Variants in TENM2 observed in about 807,000 individuals in gnomAD.
TENM2 encodes the protein teneurin-2.
Under a neutral mutation model 245.2 loss-of-function variants are expected in TENM2, and 52 were observed. The observed-to-expected ratio is 0.21, with a 90% CI of 0.17 to 0.27. TENM2 has a LOEUF of 0.27. Among genes scored for constraint, TENM2 ranks in the 10% least tolerant of loss-of-function variants. The pLI is 1.00. For synonymous variants in TENM2, 1,363 were observed against 1,438.9 expected, an observed-to-expected ratio of 0.95 and a Z score of 1.19; for missense variants, 3,046 against 3,666.8, an observed-to-expected ratio of 0.83 and a Z score of 4.37.
chr5:167,024,425 G>A, the TENM2 span, among the ~76,000 whole-genome samples: 4 of 152,142 alleles, frequency 2.6e-5, no homozygotes, highest in Non-Finnish European at 5.9e-5. Flanking sequence ...AGTTTGCATC[G>A]CAGTAAGAAA....
the TENM2 span, among the ~76,000 whole-genome samples, chr5:167,028,677 C>T: frequency 1.3e-5 from 2 of 151,716 alleles, no homozygotes; most frequent in African/African-American, 2.4e-5. Flanking sequence ...ATCAAATAGC[C>T]ATATTTATGT....
chr5:167,619,863 T>C (rs936488242), intron 2 of TENM2, among the ~76,000 whole-genome samples: 2 of 152,036 alleles, frequency 1.3e-5, no homozygotes, highest in Non-Finnish European at 2.9e-5. Context: ...CCTCCCCCTT[T>C]TAAAAAAATT....
At chr5:167,906,243 C>T (rs973903776) in intron 3 of TENM2, among the ~76,000 whole-genome samples, 3 of 152,180 alleles carry the variant, frequency 2.0e-5, no homozygotes, top group Non-Finnish European at 2.9e-5. Context: ...TCAGATTTAA[C>T]ACTTAAGCTG....
exon 1 of TENM2, chr5:167,284,910 T>C: frequency 6.4e-7 from 1 of 1,551,690 alleles, no homozygotes; most frequent in Non-Finnish European, 8.7e-7. Context: ...CTACACAAGC[T>C]CCTCTCTGGA....
intron 2 of TENM2, among the ~76,000 whole-genome samples, chr5:167,517,492 C>T (rs1770459068): frequency 6.6e-6 from 1 of 152,052 alleles, no homozygotes. Context: ...AATGAAGAAA[C>T]GTCTCCTAGT....
At chr5:167,955,385 A>G (rs1780468882) in intron 4 of TENM2, among the ~76,000 whole-genome samples, 1 of 152,210 alleles carries the variant, frequency 6.6e-6, no homozygotes. Context: ...TCAGATGGAT[A>G]GATGGCAAAA....
At chr5:167,641,630 A>C (rs1378670657) in intron 2 of TENM2, among the ~76,000 whole-genome samples, 1 of 152,216 alleles carries the variant, frequency 6.6e-6, no homozygotes, top group African/African-American at 2.4e-5. Flanking sequence ...ACTGAGCATC[A>C]AAATCAATTT....
At chr5:168,203,665 T>C (rs762592084) in intron 17 of TENM2, 24 bp from the exon 20 acceptor site, 39 of 1,568,862 alleles carry the variant, frequency 2.5e-5, no homozygotes, top group Non-Finnish European at 3.0e-5. Context: ...TCTCTCACTC[T>C]GCCCCACCCC....
intron 6 of TENM2, among the ~76,000 whole-genome samples, chr5:168,058,559 G>A (rs578027198): frequency 1.3e-5 from 2 of 152,348 alleles, no homozygotes; most frequent in East Asian, 1.9e-4. Context: ...TAGAACTTTA[G>A]TGTGAAGGTG....
intron 4 of TENM2, among the ~76,000 whole-genome samples, chr5:167,958,654 G>A (rs1780749397): frequency 6.6e-6 from 1 of 152,174 alleles, no homozygotes; most frequent in African/African-American, 2.4e-5. Flanking sequence ...TCCTTCAGGA[G>A]CTCTTGTAAG....
chr5:167,730,239 G>A (rs1034528205), intron 2 of TENM2, among the ~76,000 whole-genome samples: 6 of 152,144 alleles, frequency 3.9e-5, no homozygotes, highest in Non-Finnish European at 7.4e-5. Flanking sequence ...GTAGGAAAGG[G>A]AATTTTTGGT....
chr5:168,142,438 C>T (rs955703835), intron 12 of TENM2, among the ~76,000 whole-genome samples: 1 of 152,164 alleles, frequency 6.6e-6, no homozygotes, highest in Non-Finnish European at 1.5e-5. Flanking sequence ...ATTTTCTGAA[C>T]AGTAAGGCAA....
intron 2 of TENM2, among the ~76,000 whole-genome samples, chr5:167,437,228 A>G (rs866553066): frequency 6.6e-6 from 1 of 152,210 alleles, no homozygotes; most frequent in African/African-American, 2.4e-5. Context: ...CACCTCTTGC[A>G]TCAGCATGAC....
At chr5:167,561,231 TA>T (rs1416559151) in intron 2 of TENM2, among the ~76,000 whole-genome samples, 2 of 152,200 alleles carry the variant, frequency 1.3e-5, no homozygotes, top group African/African-American at 2.4e-5. Flanking sequence ...ATTAACCTAT[TA>T]AAGGTCATAA....
intron 2 of TENM2, among the ~76,000 whole-genome samples, chr5:167,561,729 C>T (rs1773603129): frequency 6.6e-6 from 1 of 152,100 alleles, no homozygotes; most frequent in Non-Finnish European, 1.5e-5. Flanking sequence ...CAATTTACAC[C>T]TCATTGTTAA....
At chr5:167,066,418 A>G in the TENM2 span, among the ~76,000 whole-genome samples, 1 of 152,160 alleles carries the variant, frequency 6.6e-6, no homozygotes, top group South Asian at 2.1e-4. Flanking sequence ...TTTAGGGTAC[A>G]TGTGCACAAT....
chr5:167,063,566 G>A, the TENM2 span, among the ~76,000 whole-genome samples: 1 of 152,090 alleles, frequency 6.6e-6, no homozygotes, highest in Admixed American at 6.5e-5. Context: ...CTCTGTCAAT[G>A]GCTTCCTCGA....
chr5:167,099,039 A>C, the TENM2 span, among the ~76,000 whole-genome samples: 1 of 152,236 alleles, frequency 6.6e-6, no homozygotes, highest in African/African-American at 2.4e-5. Flanking sequence ...AAATATTGCC[A>C]CAAAATATGT....
chr5:168,004,830 A>AT (rs2152056785), intron 5 of TENM2, among the ~76,000 whole-genome samples: 1 of 134,664 alleles, frequency 7.4e-6, no homozygotes, highest in East Asian at 2.3e-4. Context: ...TGTCACGGTT[A>AT]ATTTTTTTTA....
Sources: allele counts gnomAD v4.1 joint callset (sites outside exome capture counted in the v4.1 genomes callset), GRCh38; gene constraint gnomAD v4.1.1; transcripts MANE v1.5; gene names NCBI Gene and HGNC (gene_info 2026-07-23, HGNC 2026-07-21).